The following GFPT1 variants were observed in gnomAD, a reference collection of about 807,000 sequenced individuals.
The protein encoded by GFPT1 is glutamine--fructose-6-phosphate transaminase 1.
A neutral mutation model predicts 92.0 loss-of-function variants in GFPT1; 40 were observed. That is an observed-to-expected ratio of 0.43 (90% CI 0.34 to 0.57). The LOEUF is 0.57. Among genes scored for constraint, GFPT1 ranks in the 20% least tolerant of loss-of-function variants. The pLI is 0.02. For synonymous variants in GFPT1, 269 were observed against 280.6 expected, an observed-to-expected ratio of 0.96 and a Z score of 0.41; for missense variants, 448 against 869.1, an observed-to-expected ratio of 0.52 and a Z score of 6.09.
Position 69,338,049 on chromosome 2 carries a change from G to A in GFPT1, c.1331C>T (p.Thr444Ile). 1 of 1,614,054 alleles carries A rather than the reference G, an allele frequency of 6.2e-7. No individual in the cohort carries two copies. The highest frequency in any genetic ancestry group is 1.1e-5 in the South Asian group (1 of 91,088). ...ACGAAGACCCATCAAAGTATCTGCT[G>A]TCTCACCTGTGTAAAAAGTAGGCCA... is the stretch of plus-strand genomic sequence containing the variant. ...VCFFLSQSGE[T>I]ADTLMGLRYC... Residue 444 changes from threonine to isoleucine, a missense_variant, in exon 15 of 20, where the codon ACA becomes ATA. Physicochemically the swap from Thr to Ile is moderately conservative, Grantham distance 89. Around this residue, in one of 7 missense-constraint regions of GFPT1, gnomAD observed 121 missense variants for 304.3 expected, o/e 0.40. Coordinates refer to ENST00000357308, the MANE Select transcript of GFPT1 (RefSeq NM_001244710.2).
chr2:69,354,696 G>C, intron 7 of GFPT1, 128 bp from the exon 8 acceptor site: 1 of 693,764 alleles, frequency 1.4e-6, no homozygotes, highest in Non-Finnish European at 2.6e-6. Flanking sequence ...TCAGATATAA[G>C]AACTAGATAA....
In GFPT1 at chr2:69,334,340, T is replaced by C. The variant is rs1489066142; in HGVS notation, c.1482+3558A>G. Reference sequence around the variant, plus strand: ...TTAGAATCCAAGAAAAATGAAATACTAAATTGCCATACTTACTCAATTTTT... The same window carrying C: ...TTAGAATCCAAGAAAAATGAAATACCAAATTGCCATACTTACTCAATTTTT... On this transcript the variant is annotated intron_variant, in intron 15 of 19. Transcript: ENST00000357308. Among the ~76,000 whole-genome samples the C allele has an allele frequency of 2.0e-5, 3 of 152,092 alleles. No homozygotes were observed. In the East Asian group the frequency reaches 5.8e-4, roughly 29 times the overall value.
At chr2:69,386,974 C>G in intron 1 of GFPT1, 91 bp downstream of exon 1, 1 of 1,040,436 alleles carries the variant, frequency 9.6e-7, no homozygotes, top group South Asian at 1.3e-5. Flanking sequence ...CTCCACACTC[C>G]CGCTTCCGCC....
chr2:69,360,523 T>G (rs1182035490), intron 4 of GFPT1, among the ~76,000 whole-genome samples: 4 of 151,246 alleles, frequency 2.6e-5, no homozygotes, highest in African/African-American at 9.7e-5. Flanking sequence ...ACTGCAGCCT[T>G]AAACTCCTGG....
At chr2:69,378,272 C>T (rs1481376220) in intron 1 of GFPT1, among the ~76,000 whole-genome samples, 1 of 152,220 alleles carries the variant, frequency 6.6e-6, no homozygotes, top group Non-Finnish European at 1.5e-5. Context: ...TCCCAAAGTG[C>T]TAGGATTACA....
At chr2:69,351,335 A>G (rs1339874944) in intron 9 of GFPT1, among the ~76,000 whole-genome samples, 1 of 152,208 alleles carries the variant, frequency 6.6e-6, no homozygotes, top group East Asian at 1.9e-4. Context: ...AAAAAAATCT[A>G]TTAGTTGAAG....
intron 13 of GFPT1, among the ~76,000 whole-genome samples, chr2:69,341,404 A>G (rs1007919019): frequency 9.2e-5 from 14 of 152,204 alleles, no homozygotes; most frequent in Non-Finnish European, 1.8e-4. Flanking sequence ...GTGACCAGAT[A>G]GTTTCACTCA....
At chr2:69,369,487 T>G (rs1671691329) in intron 3 of GFPT1, among the ~76,000 whole-genome samples, 1 of 152,222 alleles carries the variant, frequency 6.6e-6, no homozygotes, top group Non-Finnish European at 1.5e-5. Flanking sequence ...AAATCCTCTT[T>G]GATGGGGCAT....
intron 1 of GFPT1, among the ~76,000 whole-genome samples, chr2:69,381,468 T>C (rs1672007911): frequency 6.6e-6 from 1 of 151,858 alleles, no homozygotes; most frequent in Non-Finnish European, 1.5e-5. Context: ...TTTAACAATA[T>C]ATAAATACTT....
chr2:69,332,309 TTTTC>T (rs1670682744), intron 15 of GFPT1, among the ~76,000 whole-genome samples: 1 of 150,752 alleles, frequency 6.6e-6, no homozygotes, highest in East Asian at 1.9e-4. Context: ...CTTTCTTTTC[TTTTC>T]TTTTTTTTTT....
intron 3 of GFPT1, among the ~76,000 whole-genome samples, chr2:69,366,952 T>G (rs1671626381): frequency 6.6e-6 from 1 of 152,218 alleles, no homozygotes; most frequent in African/African-American, 2.4e-5. Flanking sequence ...CTGGGAATAA[T>G]GAACACCCAA....
chr2:69,329,262 A>T, intron 17 of GFPT1, 35 bp downstream of exon 17: 1 of 1,604,494 alleles, frequency 6.2e-7, no homozygotes, highest in Non-Finnish European at 8.5e-7. Context: ...CTGCAGGTCA[A>T]TGGACTGATA....
intron 5 of GFPT1, among the ~76,000 whole-genome samples, chr2:69,358,899 T>C (rs530319247): frequency 9.8e-5 from 15 of 152,298 alleles, no homozygotes; most frequent in African/African-American, 3.4e-4. Context: ...ATACAGTATA[T>C]AGCTATTTAC....
chr2:69,344,740 C>G (rs929480731), intron 12 of GFPT1, among the ~76,000 whole-genome samples: 7 of 151,578 alleles, frequency 4.6e-5, no homozygotes, highest in Non-Finnish European at 1.0e-4. Flanking sequence ...ATCTACAGGG[C>G]TCAAGCAATC....
intron 9 of GFPT1, among the ~76,000 whole-genome samples, chr2:69,351,871 G>C (rs1671214392): frequency 6.6e-6 from 1 of 152,188 alleles, no homozygotes; most frequent in Non-Finnish European, 1.5e-5. Context: ...ATTGAGTGAT[G>C]AAATTGTTCT....
At position 69,387,079 on chromosome 2, in the gene GFPT1, G is replaced by T. The variant is rs1447106876; in HGVS notation, c.-8C>A. ...GGCCCCCTTACCACACATGATGCCG[G>T]AGACACGGCCCGCGAGGCCAGGGGC... On this transcript the variant is annotated 5_prime_UTR_variant, in exon 1 of 20. Coordinates refer to ENST00000357308, the MANE Select transcript of GFPT1 (RefSeq NM_001244710.2). 13 of 1,537,740 alleles carry T rather than the reference G, an allele frequency of 8.5e-6. No homozygotes were observed. The highest frequency in any genetic ancestry group is 1.7e-4 in the Middle Eastern group (1 of 5,928).
intron 4 of GFPT1, among the ~76,000 whole-genome samples, chr2:69,359,680 A>G (rs1671421941): frequency 6.6e-6 from 1 of 152,236 alleles, no homozygotes; most frequent in South Asian, 2.1e-4. Context: ...TTGCAAAATG[A>G]GAGAGCTGAA....
chr2:69,329,796 A>C lies in GFPT1; in HGVS notation c.1485T>G (p.Ala495=). ...CAAGGGATACAAACTGGCTGGTATAAGCCTGAAACATCACAAAAAAGCAGG... is the reference window on the plus strand; with the variant it reads ...CAAGGGATACAAACTGGCTGGTATACGCCTGAAACATCACAAAAAAGCAGG... ...GPEIGVASTK[A]YTSQFVSLVM... Residue 495 remains alanine (A), a splice_region_variant and synonymous_variant, in exon 16 of 20, where the codon GCT becomes GCG. Coordinates refer to ENST00000357308, the MANE Select transcript of GFPT1 (RefSeq NM_001244710.2). 1 of 1,515,722 alleles carries C rather than the reference A, an allele frequency of 6.6e-7. No homozygotes were observed. The highest frequency in any genetic ancestry group is 9.2e-7 in the Non-Finnish European group (1 of 1,089,872). The allele number at this position is 1,515,722 out of a possible 1,614,324, so 93.9% of individuals were successfully genotyped here. A position where few individuals can be genotyped will look rare whatever the true frequency, so the allele number is the denominator to read the frequency against.
chr2:69,356,166 C>G (rs7579556), intron 7 of GFPT1, among the ~76,000 whole-genome samples: 100,947 of 151,616 alleles, frequency 0.67, 35,258 homozygotes, highest in African/African-American at 0.9. Context: ...GCTAATTTTT[C>G]TATATTTAGT....
Sources: gnomAD v4.1 joint callset for allele counts (sites outside exome capture counted in the v4.1 genomes callset) on GRCh38, gnomAD v4.1.1 for gene constraint, gnomAD v4.1.1 regional missense constraint, MANE v1.5 for transcripts, NCBI Gene and HGNC (gene_info 2026-07-23, HGNC 2026-07-21) for gene names.